SDK2: variants seen among roughly 807,000 people sequenced by gnomAD.
SDK2 encodes protein sidekick-2.
In SDK2, 105 loss-of-function variants were observed where a neutral mutation model predicts 253.9. The ratio of observed to expected loss-of-function variants is 0.41; its 90% CI spans 0.35 to 0.49. SDK2 has a LOEUF of 0.49. SDK2 is among the 20% of genes least tolerant of loss of function. The probability of loss-of-function intolerance (pLI) is 0.06; values close to 1 mark genes in which losing one functional copy is unlikely to be tolerated. For synonymous variants in SDK2, 1,249 were observed against 1,234.9 expected, an observed-to-expected ratio of 1.01 and a Z score of -0.24; for missense variants, 2,608 against 3,003.0, an observed-to-expected ratio of 0.87 and a Z score of 3.07.
chr17:73,462,105 G>T (rs9893938), intron 3 of SDK2, among the ~76,000 whole-genome samples: 145,890 of 152,162 alleles, frequency 0.96, 70,241 homozygotes, highest in Non-Finnish European at 1. Flanking sequence ...ATGGATGGTT[G>T]TTTATGCACG....
intron 2 of SDK2, among the ~76,000 whole-genome samples, chr17:73,493,436 A>G (rs1489887668): frequency 2.0e-5 from 3 of 152,222 alleles, no homozygotes; most frequent in African/African-American, 7.2e-5. Flanking sequence ...TGGGCCATGG[A>G]AAATGCATCC....
intron 1 of SDK2, among the ~76,000 whole-genome samples, chr17:73,582,527 AT>A (rs1485277465): frequency 6.6e-6 from 1 of 152,214 alleles, no homozygotes; most frequent in African/African-American, 2.4e-5. Flanking sequence ...ACTATTAATA[AT>A]GTAGAAGCCC....
intron 1 of SDK2, among the ~76,000 whole-genome samples, chr17:73,562,604 G>T (rs1419619277): frequency 1.3e-5 from 2 of 152,122 alleles, no homozygotes; most frequent in Admixed American, 1.3e-4. Flanking sequence ...GGGTTGGGAG[G>T]TGGTTCTGAG....
At position 73,467,729 on chromosome 17, in the gene SDK2, G is replaced by C. The variant is rs1312598641; in HGVS notation, c.331+4383C>G. Reference sequence around the variant, plus strand: ...CTGCGTTCTTCTCAAGGGTCGGAAGGACTTCCTAGGGCTTTTCTAACTTCC... The same window carrying C: ...CTGCGTTCTTCTCAAGGGTCGGAAGCACTTCCTAGGGCTTTTCTAACTTCC... On this transcript the variant is annotated intron_variant, in intron 3 of 44. Coordinates refer to ENST00000392650, the MANE Select transcript of SDK2 (RefSeq NM_001144952.2). The surrounding 1 kb of genome is among the most constrained non-coding windows in gnomAD (Gnocchi z 4.1). 6.6e-6 allele frequency among the ~76,000 whole-genome samples: 1 copy of C among 152,170 alleles called. No individual in the cohort carries two copies. Among genetic ancestry groups the C allele is most frequent in the Non-Finnish European group, 1.5e-5 (1 of 68,024 alleles).
chr17:73,586,892 G>A (rs1373841771), intron 1 of SDK2, among the ~76,000 whole-genome samples: 1 of 152,186 alleles, frequency 6.6e-6, no homozygotes, highest in Non-Finnish European at 1.5e-5. Flanking sequence ...AGTCTAACAT[G>A]TTCTTTAGAG....
chr17:73,589,868 C>A (rs1251371828), intron 1 of SDK2, among the ~76,000 whole-genome samples: 1 of 152,248 alleles, frequency 6.6e-6, no homozygotes, highest in Non-Finnish European at 1.5e-5. Context: ...CACCTAATTA[C>A]GCCTTTGTCC....
Position 73,379,642 on chromosome 17 carries a change from A to C in SDK2, c.4763-93T>G, listed in dbSNP as rs1174711333. On this transcript the variant is annotated intron_variant, in intron 34 of 44. Transcript: ENST00000392650. The surrounding 1 kb of genome is among the most constrained non-coding windows in gnomAD (Gnocchi z 4.5). ...GGAGGGTGGAGGCTGCAGGGGGAGG[A>C]ATGAGGCACCCCCGCCATTCTAGCC... The C allele has an allele frequency of 5.5e-5, 40 of 733,658 alleles. No individual in the cohort carries two copies. In the East Asian group the frequency reaches 1.1e-3, roughly 20 times the overall value. 45.4% of individuals were successfully genotyped at this position (733,658 alleles called of 1,614,324 possible).
chr17:73,449,362 T>C (rs2063475605), intron 4 of SDK2, among the ~76,000 whole-genome samples: 1 of 152,188 alleles, frequency 6.6e-6, no homozygotes, highest in South Asian at 2.1e-4. Context: ...TGAATTCTTT[T>C]CAAATTTTCC....
rs1265716067 is a variant in SDK2 at position 73,422,414 on chromosome 17, G to C, written c.1918C>G (p.Leu640Val). ...GTAGCTTTGGGGTCCACACTGGCCA[G>C]GAGTACAGTCCAGGGGGCATCTGCA... ...SENNAPWTVL[L>V]ASVDPKATSV... The change falls in exon 15 of 45, where the codon CTG becomes GTG. Residue 640 changes from leucine (L) to valine (V), a missense_variant. Around this residue, in one of 2 missense-constraint regions of SDK2, gnomAD observed 1,505 missense variants for 1,859.1 expected, o/e 0.81. Transcript: ENST00000392650. 6.2e-7 allele frequency: 1 copy of C among 1,614,000 alleles called. No individual in the cohort carries two copies. Among genetic ancestry groups the C allele is most frequent in the South Asian group, 1.1e-5 (1 of 91,072 alleles).
chr17:73,624,184 C>G (rs1366862241), intron 1 of SDK2, among the ~76,000 whole-genome samples: 1 of 152,224 alleles, frequency 6.6e-6, no homozygotes, highest in African/African-American at 2.4e-5. Flanking sequence ...TCCAGGCAAG[C>G]TGATAGAACT....
chr17:73,548,908 A>T (rs375215693), intron 1 of SDK2, among the ~76,000 whole-genome samples: 4 of 151,998 alleles, frequency 2.6e-5, no homozygotes, highest in African/African-American at 9.7e-5. Flanking sequence ...TCTCTCAGAC[A>T]CCCCAAGATG....
chr17:73,356,240 T>C (rs530803398), intron 40 of SDK2, among the ~76,000 whole-genome samples: 40 of 152,332 alleles, frequency 2.6e-4, no homozygotes, highest in Non-Finnish European at 5.0e-4. Context: ...TTGAGGCCCC[T>C]GCTGCTGCCT....
intron 10 of SDK2, among the ~76,000 whole-genome samples, chr17:73,432,527 C>T (rs2063333584): frequency 6.6e-6 from 1 of 152,162 alleles, no homozygotes; most frequent in African/African-American, 2.4e-5. Flanking sequence ...TGAGTGCCTA[C>T]CGTGTGCCAG....
At chr17:73,491,994 T>C (rs530997927) in intron 2 of SDK2, among the ~76,000 whole-genome samples, 97 of 152,314 alleles carry the variant, frequency 6.4e-4, no homozygotes, top group Non-Finnish European at 1.3e-3. Flanking sequence ...TCCCGAAATC[T>C]GGGCCAGCTT....
At chr17:73,401,332 C>A (rs2063023965) in intron 20 of SDK2, 121 bp from the exon 21 acceptor site, 1 of 948,574 alleles carries the variant, frequency 1.1e-6, no homozygotes. Flanking sequence ...AGCAATGGGG[C>A]CAAGGGAGGT....
intron 1 of SDK2, among the ~76,000 whole-genome samples, chr17:73,533,987 G>C (rs2064193106): frequency 6.6e-6 from 1 of 152,120 alleles, no homozygotes; most frequent in Non-Finnish European, 1.5e-5. Flanking sequence ...GCACAGTGAT[G>C]CGGCAACATC....
chr17:73,364,288 A>G (rs1431711598), intron 38 of SDK2, among the ~76,000 whole-genome samples: 1 of 152,068 alleles, frequency 6.6e-6, no homozygotes, highest in African/African-American at 2.4e-5. Context: ...CCAGCCTAGG[A>G]GCCCAGAAAT....
chr17:73,442,368 G>A (rs2063422742), intron 5 of SDK2, among the ~76,000 whole-genome samples: 1 of 150,826 alleles, frequency 6.6e-6, no homozygotes, highest in African/African-American at 2.4e-5. Context: ...TTTGGACGGA[G>A]TCTGGCTCTG....
chr17:73,355,052 G>A (rs1450328956), intron 40 of SDK2, among the ~76,000 whole-genome samples: 1 of 150,410 alleles, frequency 6.6e-6, no homozygotes, highest in Non-Finnish European at 1.5e-5. Context: ...GGAAGGCCAT[G>A]GGGACCCAGT....
Sources: allele counts gnomAD v4.1 joint callset (sites outside exome capture counted in the v4.1 genomes callset), GRCh38; gene constraint gnomAD v4.1.1; regional missense constraint gnomAD v4.1.1; non-coding constraint Gnocchi (gnomAD v3.1); transcripts MANE v1.5; gene names NCBI Gene and HGNC (gene_info 2026-07-23, HGNC 2026-07-21).